Variants in TMLHE observed in about 807,000 individuals in gnomAD.
TMLHE encodes trimethyllysine dioxygenase, mitochondrial.
A neutral mutation model predicts 25.7 loss-of-function variants in TMLHE; 18 were observed. The observed-to-expected ratio is 0.70, with a 90% CI of 0.48 to 1.04. The LOEUF is 1.04. TMLHE is among the 50% of genes least tolerant of loss of function. The pLI, the probability that TMLHE is intolerant of heterozygous loss-of-function variation, is 0.00. For synonymous variants in TMLHE, 105 were observed against 97.0 expected (o/e 1.08, Z -0.49); for missense variants, 236 against 259.0 (o/e 0.91, Z 0.61).
intron 1 of TMLHE, among the ~76,000 whole-genome samples, chrX:155,548,283 G>T (rs1291082381): frequency 3.6e-5 from 4 of 111,520 alleles, no homozygotes; most frequent in African/African-American, 1.3e-4. Flanking sequence ...TACATCAAAG[G>T]ATACAACCAA....
At position 155,567,358 on chromosome X, in the gene TMLHE, T is replaced by A. The variant is rs2067514591; in HGVS notation, c.-1-22081A>T. On this transcript the variant is annotated intron_variant, in intron 1 of 7. Transcript: ENST00000334398. ...ATTAGGAATTGAAATAAAAACAATTTTTCCTATACTTTTTGTGCAGTACAA... is the reference window on the plus strand; with the variant it reads ...ATTAGGAATTGAAATAAAAACAATTATTCCTATACTTTTTGTGCAGTACAA... 4.8e-5 allele frequency among the ~76,000 whole-genome samples: 3 copies of A among 62,354 alleles called. 1 individual carries two copies. The highest frequency in any genetic ancestry group is 3.8e-4 in the Admixed American group (2 of 5,318). 54.1% of individuals were successfully genotyped at this position (62,354 alleles called of 115,157 possible).
In TMLHE at chrX:155,570,532, A is replaced by AT. The variant is rs1375325353; in HGVS notation, c.-1-25256dup. On this transcript the variant is annotated intron_variant, in intron 1 of 7. Coordinates refer to ENST00000334398, the MANE Select transcript of TMLHE (RefSeq NM_018196.4). ...TCCACCCCAAATCAACAGAATATAC[A>AT]TTTTTTTTCAGCACCACACCACATC... Among the ~76,000 whole-genome samples, 4 of 56,041 alleles carry AT rather than the reference A, an allele frequency of 7.1e-5. 2 individuals are homozygous for AT. Among genetic ancestry groups the AT allele is most frequent in the Non-Finnish European group, 9.2e-5 (2 of 21,626 alleles). The allele number at this position is 56,041 out of a possible 115,157, so 48.7% of individuals were successfully genotyped here.
intron 1 of TMLHE, 85 bp from the exon 2 acceptor site, chrX:155,545,362 G>T: frequency 1.3e-6 from 1 of 767,807 alleles, no homozygotes; most frequent in Non-Finnish European, 1.8e-6. Flanking sequence ...ATATAATTAT[G>T]TAAAATGATA....
Position 155,573,589 on chromosome X carries a change from T to C in TMLHE, c.-1-28312A>G, listed in dbSNP as rs2124462622. 3.6e-5 allele frequency among the ~76,000 whole-genome samples: 2 copies of C among 55,982 alleles called. 1 individual carries two copies. Among genetic ancestry groups the C allele is most frequent in the South Asian group, 2.1e-3 (2 of 943 alleles). 48.6% of individuals were successfully genotyped at this position (55,982 alleles called of 115,157 possible). A position where few individuals can be genotyped will look rare whatever the true frequency, so the allele number is the denominator to read the frequency against. ...CGAAGACTTGGAACCAACCCAAATGTCCAACAATGATAGACTGGATTAAGA... is the reference window on the plus strand; with the variant it reads ...CGAAGACTTGGAACCAACCCAAATGCCCAACAATGATAGACTGGATTAAGA... On this transcript the variant is annotated intron_variant, in intron 1 of 7. Transcript: ENST00000334398.
At chrX:155,596,284 C>T (rs181187317) in intron 1 of TMLHE, among the ~76,000 whole-genome samples, 1 of 111,881 alleles carries the variant, frequency 8.9e-6, no homozygotes, top group South Asian at 3.7e-4. Context: ...GATGCTTTGT[C>T]CTTGCAGTCA....
chrX:155,513,964 T>G, intron 4 of TMLHE, 22 bp downstream of exon 4: 1 of 1,191,484 alleles, frequency 8.4e-7, no homozygotes, highest in East Asian at 3.0e-5. Flanking sequence ...ATACTGTGGA[T>G]TTTAGGAAAC....
chrX:155,527,521 C>T (rs1402036935), intron 2 of TMLHE, among the ~76,000 whole-genome samples: 1 of 111,346 alleles, frequency 9.0e-6, no homozygotes, highest in Non-Finnish European at 1.9e-5. Flanking sequence ...ACAGGAGGTC[C>T]TTGTACTATT....
At chrX:155,511,603 A>G in intron 5 of TMLHE, 70 bp downstream of exon 5, 2 of 1,070,658 alleles carry the variant, frequency 1.9e-6, no homozygotes, top group Non-Finnish European at 2.5e-6. Context: ...ACAGAATGGA[A>G]AATAATTAAG....
intron 1 of TMLHE, among the ~76,000 whole-genome samples, chrX:155,548,896 G>C (rs1225708583): frequency 3.6e-5 from 4 of 110,616 alleles, no homozygotes; most frequent in Non-Finnish European, 7.5e-5. Context: ...TTGTAATCTA[G>C]TCACAGTGAG....
At chrX:155,563,178 G>A (rs1399738855) in intron 1 of TMLHE, among the ~76,000 whole-genome samples, 2 of 62,642 alleles carry the variant, frequency 3.2e-5, no homozygotes, top group African/African-American at 7.1e-5. Flanking sequence ...AGAACTACCT[G>A]AGACTGGGTG....
At chrX:155,538,420 GT>G (rs782513887) in intron 2 of TMLHE, among the ~76,000 whole-genome samples, 4 of 111,553 alleles carry the variant, frequency 3.6e-5, no homozygotes, top group African/African-American at 6.5e-5. Context: ...GCACTGGCTA[GT>G]ATCATTTTAA....
intron 1 of TMLHE, among the ~76,000 whole-genome samples, chrX:155,557,335 C>G (rs2067464325): frequency 8.9e-6 from 1 of 112,217 alleles, no homozygotes; most frequent in Non-Finnish European, 1.9e-5. Context: ...AAAATCTTCA[C>G]AATCCACGTT....
Position 155,567,167 on chromosome X carries a change from C to T in TMLHE, c.-1-21890G>A, listed in dbSNP as rs782111327. Among the ~76,000 whole-genome samples, 41 of 62,292 alleles carry T rather than the reference C, an allele frequency of 6.6e-4. 9 individuals are homozygous for T. The highest frequency in any genetic ancestry group is 1.4e-3 in the African/African-American group (38 of 28,123). 54.1% of individuals were successfully genotyped at this position (62,292 alleles called of 115,157 possible). On this transcript the variant is annotated intron_variant, in intron 1 of 7. Transcript: ENST00000334398. Reference sequence around the variant, plus strand: ...TAATCAGAAATGTCTGGGGAATGGCCGCAGTTGGAAACTCTAGTCAGAGCA... The same window carrying T: ...TAATCAGAAATGTCTGGGGAATGGCTGCAGTTGGAAACTCTAGTCAGAGCA...
intron 1 of TMLHE, among the ~76,000 whole-genome samples, chrX:155,583,680 C>T (rs1428456713): frequency 2.7e-5 from 3 of 111,773 alleles, no homozygotes; most frequent in Non-Finnish European, 5.6e-5. Flanking sequence ...TAACTGAATG[C>T]CATTATCTTA....
intron 1 of TMLHE, among the ~76,000 whole-genome samples, chrX:155,547,244 A>C (rs1316721511): frequency 6.6e-5 from 6 of 90,501 alleles, no homozygotes; most frequent in East Asian, 3.6e-4. Flanking sequence ...TCCCGGGTTC[A>C]CGCCATTCTC....
intron 6 of TMLHE, among the ~76,000 whole-genome samples, chrX:155,506,480 TATG>T (rs1320203077): frequency 9.0e-6 from 1 of 111,390 alleles, no homozygotes; most frequent in Non-Finnish European, 1.9e-5. Context: ...CACGTTTGAA[TATG>T]ATATGTTTTA....
rs180675798 is a variant in TMLHE at position 155,511,357 on chromosome X, G to A, written c.758+316C>T. Among the ~76,000 whole-genome samples, 264 of 110,073 alleles carry A rather than the reference G, an allele frequency of 2.4e-3. 1 individual carries two copies. The highest frequency in any genetic ancestry group is 4.3e-3 in the Non-Finnish European group (228 of 52,729). On this transcript the variant is annotated intron_variant, in intron 5 of 7. Transcript: ENST00000334398. ...CCACCATGATTGGAAGCTCCCTGAG[G>A]CCTCCCCAGAAGAAGATGCTGCTAT...
At chrX:155,556,450 G>T (rs1295092456) in intron 1 of TMLHE, among the ~76,000 whole-genome samples, 1 of 110,585 alleles carries the variant, frequency 9.0e-6, no homozygotes, top group African/African-American at 3.3e-5. Flanking sequence ...TGGGCGTCCT[G>T]GGGAGACATC....
intron 1 of TMLHE, among the ~76,000 whole-genome samples, chrX:155,596,195 G>C (rs1557346485): frequency 8.9e-6 from 1 of 112,181 alleles, no homozygotes; most frequent in Non-Finnish European, 1.9e-5. Context: ...GAAGGGAAAA[G>C]ATAAACACCA....
Sources: allele counts gnomAD v4.1 joint callset (sites outside exome capture counted in the v4.1 genomes callset), GRCh38; gene constraint gnomAD v4.1.1; transcripts MANE v1.5; gene names NCBI Gene and HGNC (gene_info 2026-07-23, HGNC 2026-07-21).